RELCH: variants seen among roughly 807,000 people sequenced by gnomAD.
The protein encoded by RELCH is RAB11-binding protein RELCH.
In RELCH, 41 loss-of-function variants were observed where a neutral mutation model predicts 150.3. That is an observed-to-expected ratio of 0.27 (90% CI 0.21 to 0.35). The LOEUF is 0.35. RELCH is among the 10% of genes least tolerant of loss of function. RELCH has a pLI of 1.00. For missense variants in RELCH, 1,092 were observed against 1,467.8 expected, an observed-to-expected ratio of 0.74 and a Z score of 4.18; for synonymous variants, 478 against 531.8, an observed-to-expected ratio of 0.90 and a Z score of 1.39.
chr18:62,226,472 A>G (rs1364127370), intron 5 of RELCH, among the ~76,000 whole-genome samples: 1 of 152,130 alleles, frequency 6.6e-6, no homozygotes, highest in Non-Finnish European at 1.5e-5. Context: ...TGCAGATTAA[A>G]TTGTTTCCCT....
chr18:62,270,801 C>G (rs1292972788), intron 20 of RELCH, among the ~76,000 whole-genome samples: 1 of 152,132 alleles, frequency 6.6e-6, no homozygotes, highest in African/African-American at 2.4e-5. Context: ...CCCTGCCCCC[C>G]ACCCCACAAC....
intron 7 of RELCH, 72 bp downstream of exon 7, chr18:62,227,761 A>T (rs1479785617): frequency 1.5e-6 from 1 of 669,660 alleles, no homozygotes; most frequent in African/African-American, 1.8e-5. Flanking sequence ...ATGCAAATAT[A>T]TGAAACAATA....
intron 22 of RELCH, chr18:62,277,896 CATT>C: frequency 1.1e-6 from 1 of 925,194 alleles, no homozygotes; most frequent in African/African-American, 1.8e-5. Flanking sequence ...GAACATGTAA[CATT>C]AGAGCACAAC....
chr18:62,297,632 T>A (rs1292408145), intron 27 of RELCH, among the ~76,000 whole-genome samples: 2 of 152,182 alleles, frequency 1.3e-5, no homozygotes, highest in Non-Finnish European at 2.9e-5. Context: ...GATAAAAGTT[T>A]CATTCTCTCA....
chr18:62,228,384 C>G lies in RELCH; in HGVS notation c.1234C>G (p.Pro412Ala). Residue 412 changes from proline (P) to alanine (A), a missense_variant, in exon 8 of 29, where the codon CCC becomes GCC. Around this residue, in one of 4 missense-constraint regions of RELCH, gnomAD observed 707 missense variants for 1,025.4 expected, o/e 0.69. Transcript: ENST00000644646. Reference sequence around the variant, plus strand: ...TGTTCAGCCTCCTTTGGATCAGTTGCCCCACAAAGACTCTGAGGACAGTGG... The same window carrying G: ...TGTTCAGCCTCCTTTGGATCAGTTGGCCCACAAAGACTCTGAGGACAGTGG... ...DSVQPPLDQL[P>A]HKDSEDSGQH... 6.2e-7 allele frequency: 1 copy of G among 1,613,172 alleles called. No individual in the cohort carries two copies. The highest frequency in any genetic ancestry group is 8.5e-7 in the Non-Finnish European group (1 of 1,179,442).
intron 8 of RELCH, among the ~76,000 whole-genome samples, chr18:62,230,507 T>C (rs982981490): frequency 1.1e-4 from 16 of 152,114 alleles, no homozygotes; most frequent in African/African-American, 3.9e-4. Context: ...GCCTTTTCTT[T>C]GCAGATTTAA....
intron 7 of RELCH, 69 bp from the exon 8 acceptor site, chr18:62,228,236 T>C (rs2041335837): frequency 8.4e-7 from 1 of 1,185,642 alleles, no homozygotes; most frequent in Non-Finnish European, 1.2e-6. Flanking sequence ...AAACCCATTA[T>C]GAGATTTATG....
chr18:62,303,972 T>C (rs2045776764), intron 28 of RELCH, among the ~76,000 whole-genome samples: 1 of 152,156 alleles, frequency 6.6e-6, no homozygotes, highest in Non-Finnish European at 1.5e-5. Context: ...GTAGAGGAGA[T>C]GCTTCAAAGA....
intron 1 of RELCH, among the ~76,000 whole-genome samples, chr18:62,191,761 G>A (rs28840742): frequency 0.41 from 62,840 of 152,022 alleles, 13,156 homozygotes; most frequent in Middle Eastern, 0.58. Context: ...TCCATGGTGT[G>A]CATGTATCAC....
intron 21 of RELCH, among the ~76,000 whole-genome samples, chr18:62,274,613 T>C (rs963444327): frequency 6.6e-6 from 1 of 152,238 alleles, no homozygotes; most frequent in African/African-American, 2.4e-5. Flanking sequence ...GTTGATTTTA[T>C]TTGATTCTAC....
intron 2 of RELCH, among the ~76,000 whole-genome samples, chr18:62,216,738 G>T (rs2040497942): frequency 6.6e-6 from 1 of 151,900 alleles, no homozygotes; most frequent in Non-Finnish European, 1.5e-5. Context: ...GATTTTTGCT[G>T]TAGGATCACC....
intron 2 of RELCH, among the ~76,000 whole-genome samples, chr18:62,212,731 A>G (rs1163327430): frequency 1.3e-5 from 2 of 152,200 alleles, no homozygotes; most frequent in East Asian, 3.8e-4. Context: ...GCTAGGATTC[A>G]AATCCACATA....
chr18:62,255,117 C>T (rs1222579042), intron 12 of RELCH, among the ~76,000 whole-genome samples: 3 of 152,072 alleles, frequency 2.0e-5, no homozygotes, highest in Non-Finnish European at 4.4e-5. Context: ...TCTCCTGTTA[C>T]TCTAAGGAAG....
Position 62,257,928 on chromosome 18 carries a change from A to G in RELCH, c.1897-20A>G. On this transcript the variant is annotated intron_variant, in intron 13 of 28. Transcript: ENST00000644646. ...CTGTGCTTAGGTGTAAATAAATAGT[A>G]AAAACATGTTTATTTTCAGAAAGAA... 6.4e-7 allele frequency: 1 copy of G among 1,570,422 alleles called. No homozygotes were observed. Among genetic ancestry groups the G allele is most frequent in the Non-Finnish European group, 8.7e-7 (1 of 1,155,696 alleles).
chr18:62,203,676 T>G (rs79643251), intron 1 of RELCH, among the ~76,000 whole-genome samples: 16 of 152,244 alleles, frequency 1.1e-4, no homozygotes, highest in African/African-American at 3.6e-4. Context: ...TTAATAATAT[T>G]GCAATTTCTC....
At chr18:62,267,484 ATGTGTGTGTGTGTG>A (rs36203741) in intron 19 of RELCH, among the ~76,000 whole-genome samples, 22 of 135,750 alleles carry the variant, frequency 1.6e-4, no homozygotes, top group Admixed American at 6.6e-4. Flanking sequence ...CTAGGTATAT[ATGTGTGTGTGTGTG>A]TGTGTGTGTG....
At chr18:62,256,973 T>G (rs1484385847) in intron 13 of RELCH, among the ~76,000 whole-genome samples, 13 of 152,096 alleles carry the variant, frequency 8.5e-5, no homozygotes. Context: ...TAAAATTGCA[T>G]GTATTTTTGT....
At chr18:62,275,574 G>A (rs2044164535) in intron 22 of RELCH, 101 bp downstream of exon 22, 4 of 726,754 alleles carry the variant, frequency 5.5e-6, no homozygotes, top group Non-Finnish European at 9.7e-6. Context: ...TGCATATCAT[G>A]TTATGTTGAT....
intron 5 of RELCH, among the ~76,000 whole-genome samples, chr18:62,222,965 T>C (rs2040977352): frequency 6.6e-6 from 1 of 151,368 alleles, no homozygotes; most frequent in Non-Finnish European, 1.5e-5. Flanking sequence ...TCAAAATTTG[T>C]GGGATATAAC....
Sources: gnomAD v4.1 joint callset for allele counts (sites outside exome capture counted in the v4.1 genomes callset) on GRCh38, gnomAD v4.1.1 for gene constraint, gnomAD v4.1.1 regional missense constraint, MANE v1.5 for transcripts, NCBI Gene and HGNC (gene_info 2026-07-23, HGNC 2026-07-21) for gene names.